CACNA1C: variants seen among roughly 807,000 people sequenced by gnomAD.
CACNA1C encodes the protein voltage-dependent L-type calcium channel subunit alpha-1C.
Under a neutral mutation model 229.0 loss-of-function variants are expected in CACNA1C, and 30 were observed. The ratio of observed to expected loss-of-function variants is 0.13; its 90% CI spans 0.10 to 0.18. CACNA1C has a LOEUF of 0.18. Among genes scored for constraint, CACNA1C ranks in the 10% least tolerant of loss-of-function variants. The pLI, the probability that CACNA1C is intolerant of heterozygous loss-of-function variation, is 1.00. For synonymous variants in CACNA1C, 1,114 were observed against 1,132.5 expected (o/e 0.98, Z 0.33); for missense variants, 1,658 against 2,845.0 (o/e 0.58, Z 9.49).
intron 1 of CACNA1C, among the ~76,000 whole-genome samples, chr12:2,025,186 T>C (rs74060004): frequency 2.2e-4 from 34 of 152,068 alleles, no homozygotes; most frequent in African/African-American, 8.0e-4. Context: ...AGGGGGCCCC[T>C]TCTAGTGGGA....
At chr12:2,101,347 A>G (rs897813807) in intron 1 of CACNA1C, among the ~76,000 whole-genome samples, 3 of 152,186 alleles carry the variant, frequency 2.0e-5, no homozygotes, top group African/African-American at 7.2e-5. Flanking sequence ...AACAACTCCC[A>G]CCAGAGTGCT....
At chr12:2,180,869 G>A (rs941501258) in intron 3 of CACNA1C, among the ~76,000 whole-genome samples, 10 of 152,226 alleles carry the variant, frequency 6.6e-5, no homozygotes, top group African/African-American at 2.2e-4. Flanking sequence ...AGAGCTGAGT[G>A]CAGAGTATGG....
chr12:2,690,437 C>T (rs2097759961), intron 46 of CACNA1C, among the ~76,000 whole-genome samples: 1 of 152,206 alleles, frequency 6.6e-6, no homozygotes, highest in Non-Finnish European at 1.5e-5. Context: ...TCAAATGATC[C>T]TCCCACCTCA....
rs1371306840 is a variant in CACNA1C, at chr12:2,608,467, C to G, written c.3357-44C>G. The G allele has an allele frequency of 6.8e-7, 1 of 1,477,968 alleles. No homozygotes were observed. The highest frequency in any genetic ancestry group is 1.9e-5 in the Admixed American group (1 of 51,864). 91.6% of individuals were successfully genotyped at this position (1,477,968 alleles called of 1,614,324 possible). The stretch of plus-strand genomic sequence containing the variant: ...GGTGCCGTCCTTCCGCAGAGGGGAC[C>G]CTGCTTCTCCAGTTCCCTCTGTGGG... On this transcript the variant is annotated intron_variant, in intron 26 of 46. Coordinates refer to ENST00000399655, the MANE Select transcript of CACNA1C (RefSeq NM_000719.7). This position sits in a 1 kb window ranked among gnomAD's most constrained non-coding sequence, Gnocchi z 4.2.
At chr12:2,517,661 C>G (rs1314255297) in intron 9 of CACNA1C, among the ~76,000 whole-genome samples, 1 of 152,214 alleles carries the variant, frequency 6.6e-6, no homozygotes, top group Non-Finnish European at 1.5e-5. Context: ...TCTCCCCTCC[C>G]TCTGAGCAGC....
rs761987604 is a variant in CACNA1C, at chr12:2,420,827, A to G, written c.478-28149A>G. Among the ~76,000 whole-genome samples, 28 of 152,118 alleles carry G rather than the reference A, an allele frequency of 1.8e-4. No homozygotes were observed. The South Asian group carries it at 1.9e-3, about 10-fold the overall frequency. On this transcript the variant is annotated intron_variant, in intron 3 of 46. Transcript: ENST00000399655. Reference sequence around the variant, plus strand: ...CTTCCATATCTGGAGGAACATACCTATTTCTCACGATCACTGTGAAGATGG... The same window carrying G: ...CTTCCATATCTGGAGGAACATACCTGTTTCTCACGATCACTGTGAAGATGG...
chr12:2,605,807 T>C lies in CACNA1C; in HGVS notation c.3156+21T>C. 1 of 1,502,622 alleles carries C rather than the reference T, an allele frequency of 6.7e-7. No individual in the cohort carries two copies. Among genetic ancestry groups the C allele is most frequent in the Non-Finnish European group, 9.3e-7 (1 of 1,078,188 alleles). 93.1% of individuals were successfully genotyped at this position (1,502,622 alleles called of 1,614,324 possible). On this transcript the variant is annotated intron_variant, in intron 24 of 46. Coordinates refer to ENST00000399655, the MANE Select transcript of CACNA1C (RefSeq NM_000719.7). The surrounding 1 kb of genome is among the most constrained non-coding windows in gnomAD (Gnocchi z 6.2). The stretch of plus-strand genomic sequence containing the variant: ...TCAAGGTAAAGTCTGGGCTCCGTTG[T>C]GGTCCTCCTACCTCCCCTCCCATCA...
At chr12:2,680,866 G>A (rs756156775) in intron 42 of CACNA1C, among the ~76,000 whole-genome samples, 1 of 152,238 alleles carries the variant, frequency 6.6e-6, no homozygotes, top group Non-Finnish European at 1.5e-5. Context: ...TTCAATTCAT[G>A]AGGCCTGCAC....
intron 1 of CACNA1C, among the ~76,000 whole-genome samples, chr12:2,061,007 C>G (rs1230967710): frequency 6.6e-6 from 1 of 152,044 alleles, no homozygotes; most frequent in African/African-American, 2.4e-5. Context: ...AAGACATTAA[C>G]AAAAGTAACA....
Position 2,551,588 on chromosome 12 carries a change from G to A in CACNA1C, c.1481+1555G>A, listed in dbSNP as rs540124632. ...AGCCAAGACTGCCAGCATTCCTGGCGGGAGAAGCAGCATGGGAACTGAGAT... is the reference window on the plus strand; with the variant it reads ...AGCCAAGACTGCCAGCATTCCTGGCAGGAGAAGCAGCATGGGAACTGAGAT... On this transcript the variant is annotated intron_variant, in intron 10 of 46. Transcript: ENST00000399655. 3.4e-3 allele frequency among the ~76,000 whole-genome samples: 513 copies of A among 152,276 alleles called. 1 individual carries two copies. Among genetic ancestry groups the A allele is most frequent in the African/African-American group, 0.012 (483 of 41,572 alleles).
intron 1 of CACNA1C, among the ~76,000 whole-genome samples, chr12:2,092,862 G>A (rs1028638364): frequency 1.6e-4 from 25 of 152,204 alleles, no homozygotes; most frequent in Non-Finnish European, 3.1e-4. Flanking sequence ...TGAGTCTCAT[G>A]TCTAATTAAA....
At chr12:2,041,767 C>G (rs2050154411) in intron 1 of CACNA1C, among the ~76,000 whole-genome samples, 1 of 152,244 alleles carries the variant, frequency 6.6e-6, no homozygotes, top group East Asian at 1.9e-4. Flanking sequence ...ATTTACTTAT[C>G]TGCCAAGGTC....
In CACNA1C at chr12:2,285,338, C is replaced by T. The variant is rs1176989968; in HGVS notation, c.478-163638C>T. On this transcript the variant is annotated intron_variant, in intron 3 of 46. Coordinates refer to ENST00000399655, the MANE Select transcript of CACNA1C (RefSeq NM_000719.7). This position sits in a 1 kb window ranked among gnomAD's most constrained non-coding sequence, Gnocchi z 4.2. ...ACCACAAAAACTGGCATATGCTACA[C>T]CCAGAGCTTTCCTTCCCCCTCTCCT... Among the ~76,000 whole-genome samples, 1 of 152,166 alleles carries T rather than the reference C, an allele frequency of 6.6e-6. No homozygotes were observed. Among genetic ancestry groups the T allele is most frequent in the Non-Finnish European group, 1.5e-5 (1 of 68,032 alleles).
chr12:2,442,250 CT>C (rs2099235827), intron 3 of CACNA1C, among the ~76,000 whole-genome samples: 1 of 152,182 alleles, frequency 6.6e-6, no homozygotes, highest in African/African-American at 2.4e-5. Flanking sequence ...ACATCAGTGT[CT>C]AATTAGCTCC....
chr12:2,511,370 C>T (rs1182724177), intron 8 of CACNA1C, among the ~76,000 whole-genome samples: 2 of 152,226 alleles, frequency 1.3e-5, no homozygotes, highest in Non-Finnish European at 2.9e-5. Context: ...CCCCACATGA[C>T]AGTAGACTCA....
At chr12:2,427,271 G>A (rs1217534148) in intron 3 of CACNA1C, among the ~76,000 whole-genome samples, 1 of 152,226 alleles carries the variant, frequency 6.6e-6, no homozygotes, top group African/African-American at 2.4e-5. Context: ...CGGGGATGGG[G>A]ATGGTAGTGG....
At chr12:2,071,143 T>C (rs1300251168) in intron 1 of CACNA1C, among the ~76,000 whole-genome samples, 2 of 7,748 alleles carry the variant, frequency 2.6e-4, no homozygotes, top group Non-Finnish European at 4.4e-4. Context: ...TTCCCCCTCC[T>C]CCCTCCCTCC....
At chr12:2,615,928 G>A (rs1463501863) in intron 29 of CACNA1C, among the ~76,000 whole-genome samples, 1 of 152,162 alleles carries the variant, frequency 6.6e-6, no homozygotes, top group Non-Finnish European at 1.5e-5. Context: ...CCCGTGGAAG[G>A]CTCCTAACTC....
At position 2,261,249 on chromosome 12, in the gene CACNA1C, C is replaced by A. The variant is rs536508109; in HGVS notation, c.477+140819C>A. ...TCCGTCTCAAAAAAAAAAACAAAAA[C>A]AAAAACAAAAAAAACTGATTGCATG... is the stretch of plus-strand genomic sequence containing the variant. On this transcript the variant is annotated intron_variant, in intron 3 of 46. Coordinates refer to ENST00000399655, the MANE Select transcript of CACNA1C (RefSeq NM_000719.7). 2.6e-5 allele frequency among the ~76,000 whole-genome samples: 4 copies of A among 151,424 alleles called. No individual in the cohort carries two copies. In the East Asian group the frequency reaches 7.8e-4, roughly 29 times the overall value.
Sources: gnomAD v4.1 joint callset for allele counts (sites outside exome capture counted in the v4.1 genomes callset) on GRCh38, gnomAD v4.1.1 for gene constraint, Gnocchi (gnomAD v3.1) non-coding constraint, MANE v1.5 for transcripts, NCBI Gene and HGNC (gene_info 2026-07-23, HGNC 2026-07-21) for gene names.